PCDH15: variants seen among roughly 807,000 people sequenced by gnomAD.
PCDH15 encodes protocadherin-15.
Under a neutral mutation model 178.5 loss-of-function variants are expected in PCDH15, and 129 were observed. The observed-to-expected ratio is 0.72, with a 90% confidence interval of 0.63 to 0.84. PCDH15 has a LOEUF of 0.84. PCDH15 is among the 40% of genes least tolerant of loss of function. The probability of loss-of-function intolerance (pLI) is 0.00; values close to 1 mark genes in which losing one functional copy is unlikely to be tolerated. For missense variants in PCDH15, 2,230 were observed against 2,099.9 expected (o/e 1.06, Z -1.21); for synonymous variants, 800 against 732.0 (o/e 1.09, Z -1.50).
In PCDH15 at chr10:53,824,267, A is replaced by G. The variant is rs2076522070; in HGVS notation, c.4367+3126T>C. 1.3e-5 allele frequency among the ~76,000 whole-genome samples: 2 copies of G among 152,118 alleles called. 1 individual carries two copies. The highest frequency in any genetic ancestry group is 1.3e-4 in the Admixed American group (2 of 15,262). ...CAAAGATCACAAATTAAATGGCTCT[A>G]AGGAAAGCATTTGGACCCTTCTCCC... is the stretch of plus-strand genomic sequence containing the variant. On this transcript the variant is annotated intron_variant, in intron 32 of 37. Transcript: ENST00000644397.
rs578113831 is a variant in PCDH15, at chr10:54,826,657, G to T, written c.-29+70793C>A. Among the ~76,000 whole-genome samples the T allele has an allele frequency of 1.2e-4, 18 of 151,840 alleles. No homozygotes were observed. The South Asian group carries it at 3.1e-3, about 26-fold the overall frequency. ...GTGGTAAAAATTTCAGGTAAACAGT[G>T]GGTCATAATTTTCTGTTGTACCATA... On this transcript the variant is annotated intron_variant, in intron 3 of 5. Coordinates refer to the PCDH15 transcript ENST00000458638.
At chr10:54,992,892 G>C (rs1473042704) in intron 2 of PCDH15, among the ~76,000 whole-genome samples, 1 of 152,096 alleles carries the variant, frequency 6.6e-6, no homozygotes, top group East Asian at 1.9e-4. Flanking sequence ...GGGTCTCACA[G>C]ACTTATCACA....
At chr10:55,473,361 A>T (rs1840003006) in intron 2 of PCDH15, among the ~76,000 whole-genome samples, 1 of 152,110 alleles carries the variant, frequency 6.6e-6, no homozygotes, top group Admixed American at 6.5e-5. Context: ...CACCTAAATC[A>T]TTCTTTTTCT....
intron 2 of PCDH15, among the ~76,000 whole-genome samples, chr10:54,923,153 A>G (rs1048136974): frequency 2.9e-5 from 4 of 138,422 alleles, no homozygotes; most frequent in Admixed American, 2.1e-4. Flanking sequence ...TACCCTCTGA[A>G]GCAACAGCCC....
chr10:54,520,988 C>T (rs897265411), intron 3 of PCDH15, among the ~76,000 whole-genome samples: 19 of 146,362 alleles, frequency 1.3e-4, no homozygotes, highest in African/African-American at 4.8e-4. Flanking sequence ...CGCATGTTCT[C>T]ACTCATAGGT....
At chr10:53,833,323 T>C (rs1047840834) in intron 29 of PCDH15, among the ~76,000 whole-genome samples, 7 of 152,080 alleles carry the variant, frequency 4.6e-5, no homozygotes, top group African/African-American at 1.4e-4. Context: ...AAGAGCCCTA[T>C]TACTTAGATA....
At chr10:54,622,314 T>G (rs2093378618) in intron 2 of PCDH15, among the ~76,000 whole-genome samples, 1 of 151,310 alleles carries the variant, frequency 6.6e-6, no homozygotes, top group Admixed American at 6.7e-5. Flanking sequence ...TTCCCTGGCT[T>G]TTCCTATCTC....
At chr10:54,047,595 G>C (rs748971764) in intron 18 of PCDH15, among the ~76,000 whole-genome samples, 10 of 151,806 alleles carry the variant, frequency 6.6e-5, no homozygotes, top group Admixed American at 1.3e-4. Flanking sequence ...GTAGTCCCTA[G>C]TGTTTATTGT....
Position 54,183,451 on chromosome 10 carries a change from A to G in PCDH15, c.1583T>C (p.Val528Ala). ...TATTATGTGAGTAGTTACCTGTATG[A>G]CACTGTCCCCAGGTCTCATGTCTGT... is the stretch of plus-strand genomic sequence containing the variant. ...VYTDMRPGDS[V>A]IQLTAVDADE... Residue 528 changes from valine to alanine, a missense_variant, in exon 13 of 38, where the codon GTC becomes GCC. By Grantham distance (64) the Val-to-Ala change is moderately conservative. Transcript: ENST00000644397. The G allele has an allele frequency of 4.3e-6, 7 of 1,611,754 alleles. No individual in the cohort carries two copies. Among genetic ancestry groups the G allele is most frequent in the Non-Finnish European group, 5.9e-6 (7 of 1,177,910 alleles).
intron 1 of PCDH15, among the ~76,000 whole-genome samples, chr10:55,195,095 C>G (rs1255910767): frequency 6.7e-6 from 1 of 150,226 alleles, no homozygotes; most frequent in African/African-American, 2.5e-5. Context: ...GGGATCTCGG[C>G]TCACTGCAAC....
chr10:53,975,420 T>C (rs573791751), intron 21 of PCDH15, among the ~76,000 whole-genome samples: 8 of 152,184 alleles, frequency 5.3e-5, no homozygotes, highest in African/African-American at 1.4e-4. Context: ...AGTGTTTTTT[T>C]TCCCCCCATA....
intron 3 of PCDH15, among the ~76,000 whole-genome samples, chr10:54,822,696 T>C (rs1013066997): frequency 5.9e-5 from 9 of 152,018 alleles, no homozygotes. Flanking sequence ...TTTTATTTTT[T>C]TGAGGAACCT....
At position 55,119,025 on chromosome 10, in the gene PCDH15, C is replaced by T. The variant is rs148454936; in HGVS notation, c.-80+47551G>A. Among the ~76,000 whole-genome samples the T allele has an allele frequency of 2.3e-3, 350 of 152,270 alleles. 2 individuals are homozygous for T. The highest frequency in any genetic ancestry group is 7.4e-3 in the African/African-American group (306 of 41,564). ...CCCTCTGTTCAATGGGCAGCCAGTTCTCTCATGGGCCCTGCACCTGGCACG... is the reference window on the plus strand; with the variant it reads ...CCCTCTGTTCAATGGGCAGCCAGTTTTCTCATGGGCCCTGCACCTGGCACG... On this transcript the variant is annotated intron_variant, in intron 2 of 5. Coordinates refer to the PCDH15 transcript ENST00000458638.
At chr10:54,563,389 G>C (rs760573621) in intron 2 of PCDH15, among the ~76,000 whole-genome samples, 9 of 152,166 alleles carry the variant, frequency 5.9e-5, no homozygotes, top group African/African-American at 1.9e-4. Context: ...GTTTACATGA[G>C]TAATTGCCTA....
intron 2 of PCDH15, among the ~76,000 whole-genome samples, chr10:55,362,418 C>T (rs887918083): frequency 1.3e-5 from 2 of 152,062 alleles, no homozygotes; most frequent in Non-Finnish European, 2.9e-5. Flanking sequence ...GTGGAAGAGA[C>T]AGATTTTTAA....
intron 2 of PCDH15, among the ~76,000 whole-genome samples, chr10:55,381,124 T>C (rs1837523969): frequency 6.6e-6 from 1 of 152,106 alleles, no homozygotes; most frequent in Non-Finnish European, 1.5e-5. Flanking sequence ...TTGTTTACTC[T>C]CCTCCAGGCA....
At chr10:55,047,227 G>A (rs1035878754) in intron 2 of PCDH15, among the ~76,000 whole-genome samples, 1 of 151,702 alleles carries the variant, frequency 6.6e-6, no homozygotes, top group African/African-American at 2.4e-5. Flanking sequence ...TTGGTACATA[G>A]CAAAGATTCA....
intron 2 of PCDH15, among the ~76,000 whole-genome samples, chr10:55,519,621 A>G (rs1157108616): frequency 6.6e-6 from 1 of 152,108 alleles, no homozygotes; most frequent in African/African-American, 2.4e-5. Flanking sequence ...TTTTACAAAC[A>G]TATAATTAAC....
chr10:54,997,675 T>C (rs994262555), intron 2 of PCDH15, among the ~76,000 whole-genome samples: 9 of 152,212 alleles, frequency 5.9e-5, no homozygotes, highest in Admixed American at 3.3e-4. Context: ...AAATAATCCA[T>C]GTATTTAACT....
Sources: allele counts gnomAD v4.1 joint callset (sites outside exome capture counted in the v4.1 genomes callset), GRCh38; gene constraint gnomAD v4.1.1; transcripts MANE v1.5; gene names NCBI Gene and HGNC (gene_info 2026-07-23, HGNC 2026-07-21).